DNAJC11: variants seen among roughly 807,000 people sequenced by gnomAD.
DNAJC11 encodes dnaJ homolog subfamily C member 11.
Under a neutral mutation model 78.6 loss-of-function variants are expected in DNAJC11, and 15 were observed. The ratio of observed to expected loss-of-function variants is 0.19; its 90% confidence interval spans 0.13 to 0.29. The LOEUF (loss-of-function observed/expected upper bound fraction) is 0.29. DNAJC11 is among the 10% of genes least tolerant of loss of function. The pLI is 1.00. For missense variants in DNAJC11, 547 were observed against 709.6 expected, an observed-to-expected ratio of 0.77 and a Z score of 2.60; for synonymous variants, 292 against 272.1, an observed-to-expected ratio of 1.07 and a Z score of -0.72.
At chr1:6,675,895 T>A (rs1452905211) in intron 3 of DNAJC11, among the ~76,000 whole-genome samples, 1 of 152,138 alleles carries the variant, frequency 6.6e-6, no homozygotes, top group African/African-American at 2.4e-5. Flanking sequence ...AGAGGGAATA[T>A]GTAATGGGGT....
intron 1 of DNAJC11, among the ~76,000 whole-genome samples, chr1:6,696,671 T>TA (rs1370992705): frequency 2.0e-5 from 3 of 152,238 alleles, no homozygotes; most frequent in Admixed American, 6.5e-5. Context: ...TGGTAGGTGA[T>TA]ACTTTTGTAC....
chr1:6,656,731 CAAA>C (rs33945459), intron 4 of DNAJC11, among the ~76,000 whole-genome samples: 20 of 123,252 alleles, frequency 1.6e-4, no homozygotes, highest in South Asian at 2.7e-4. Flanking sequence ...AAACTAAAAC[CAAA>C]AAAAAAAAAA....
chr1:6,644,287 C>T (rs1312343271), intron 10 of DNAJC11, among the ~76,000 whole-genome samples: 1 of 152,156 alleles, frequency 6.6e-6, no homozygotes, highest in Non-Finnish European at 1.5e-5. Flanking sequence ...GCGTGTGCCA[C>T]CACGTCTGGC....
chr1:6,637,211 G>C lies in DNAJC11; in HGVS notation c.1511C>G (p.Thr504Arg), dbSNP rs774995067. 1 of 1,614,164 alleles carries C rather than the reference G, an allele frequency of 6.2e-7. No individual in the cohort carries two copies. The highest frequency in any genetic ancestry group is 1.7e-5 in the Admixed American group (1 of 60,026). The change falls in exon 14 of 16, where the codon ACG becomes AGG. Residue 504 changes from threonine to arginine, a missense_variant. Thr to Arg is a moderately conservative substitution (Grantham distance 71, BLOSUM62 -1). Transcript: ENST00000377577. ...GTGCTGCTGTACCTTGGAGGCCTCC[G>C]TGAGGATGAGCTTCGAGTCCTTCAC... ...CLVKDSKLILTEASKAGLPGF... is the reference protein window; with the variant it reads ...CLVKDSKLILREASKAGLPGF...
intron 1 of DNAJC11, among the ~76,000 whole-genome samples, chr1:6,683,705 C>T (rs188433000): frequency 1.4e-4 from 22 of 152,306 alleles, no homozygotes; most frequent in African/African-American, 4.8e-4. Context: ...CAGAGGGCAC[C>T]GCCCTGGTGC....
chr1:6,679,950 G>A (rs1359246892), intron 2 of DNAJC11, among the ~76,000 whole-genome samples: 1 of 152,130 alleles, frequency 6.6e-6, no homozygotes, highest in African/African-American at 2.4e-5. Flanking sequence ...ACACTACACC[G>A]ACTGTACACA....
Position 6,645,177 on chromosome 1 carries a change from G to A in DNAJC11, c.895-51C>T, listed in dbSNP as rs1184186233. Reference sequence around the variant, plus strand: ...GCGTGGCTAGGGCGTGTGACTCTGTGGGGAGATGGGTATCTGCCCTCCCAC... The same window carrying A: ...GCGTGGCTAGGGCGTGTGACTCTGTAGGGAGATGGGTATCTGCCCTCCCAC... On this transcript the variant is annotated intron_variant, in intron 8 of 15. Transcript: ENST00000377577. The surrounding 1 kb of genome is among the most constrained non-coding windows in gnomAD (Gnocchi z 4.1). 10 of 1,431,552 alleles carry A rather than the reference G, an allele frequency of 7.0e-6. No individual in the cohort carries two copies. The highest frequency in any genetic ancestry group is 8.8e-6 in the Non-Finnish European group (9 of 1,017,236). 88.7% of individuals were successfully genotyped at this position (1,431,552 alleles called of 1,614,324 possible).
intron 6 of DNAJC11, among the ~76,000 whole-genome samples, chr1:6,652,430 AT>A (rs1158375517): frequency 2.6e-5 from 4 of 152,004 alleles, no homozygotes; most frequent in Non-Finnish European, 5.9e-5. Flanking sequence ...TATGAGACCT[AT>A]TTATTTATTT....
At chr1:6,686,580 T>C (rs1342207680) in intron 1 of DNAJC11, among the ~76,000 whole-genome samples, 1 of 152,184 alleles carries the variant, frequency 6.6e-6, no homozygotes, top group Non-Finnish European at 1.5e-5. Flanking sequence ...TGCTTGGACC[T>C]AGAAGTGACA....
chr1:6,643,618 C>G (rs1171634196), intron 10 of DNAJC11, among the ~76,000 whole-genome samples: 1 of 152,076 alleles, frequency 6.6e-6, no homozygotes, highest in Non-Finnish European at 1.5e-5. Context: ...AGGACAGTGA[C>G]TAGACTCAGG....
chr1:6,651,853 A>G (rs1642058616), intron 6 of DNAJC11, among the ~76,000 whole-genome samples: 1 of 152,234 alleles, frequency 6.6e-6, no homozygotes, highest in Admixed American at 6.5e-5. Context: ...CTCCAAAGAA[A>G]AAACTGCTCC....
In DNAJC11 at chr1:6,645,768, G is replaced by A. The variant is rs201372878; in HGVS notation, c.894+21C>T. ...TCCTCCCAGAGCTCTGTCTGCAGGA[G>A]ATGATGGCTGCTCGGCTCACCTGCA... On this transcript the variant is annotated intron_variant, in intron 8 of 15. Coordinates refer to ENST00000377577, the MANE Select transcript of DNAJC11 (RefSeq NM_018198.4). This position sits in a 1 kb window ranked among gnomAD's most constrained non-coding sequence, Gnocchi z 4.1. 27 of 1,612,018 alleles carry A rather than the reference G, an allele frequency of 1.7e-5. No homozygotes were observed. Among genetic ancestry groups the A allele is most frequent in the African/African-American group, 2.7e-5 (2 of 75,010 alleles).
At chr1:6,644,891 T>A (rs1302546752) in intron 9 of DNAJC11, 150 bp downstream of exon 9, 1 of 848,834 alleles carries the variant, frequency 1.2e-6, no homozygotes, top group Non-Finnish European at 2.0e-6. Context: ...TAGTGTTAAA[T>A]CCCCCACAGC....
At chr1:6,661,073 A>G (rs1314775191) in intron 4 of DNAJC11, among the ~76,000 whole-genome samples, 1 of 152,220 alleles carries the variant, frequency 6.6e-6, no homozygotes, top group Non-Finnish European at 1.5e-5. Context: ...CAGTGTGCTG[A>G]TTTGATCCAC....
At position 6,634,303 on chromosome 1, in the gene DNAJC11, G is replaced by A. The variant is rs910517195; in HGVS notation, c.*1372C>T. 7.5e-6 allele frequency: 7 copies of A among 936,338 alleles called. No homozygotes were observed. The highest frequency in any genetic ancestry group is 6.6e-5 in the African/African-American group (4 of 60,328). 58.0% of individuals were successfully genotyped at this position (936,338 alleles called of 1,614,324 possible). On this transcript the variant is annotated 3_prime_UTR_variant, in exon 16 of 16. Transcript: ENST00000377577. ...CCCGGGGCCCAGGCTCATGCAACAC[G>A]ACGCTCACCGCGGCTCGGGCCGTGG...
chr1:6,658,590 A>G (rs538134957), intron 4 of DNAJC11, among the ~76,000 whole-genome samples: 5 of 152,148 alleles, frequency 3.3e-5, no homozygotes, highest in East Asian at 1.9e-4. Flanking sequence ...GCTTTTCTTT[A>G]TAAGTCTAGT....
At chr1:6,639,008 G>A (rs1641831309) in intron 11 of DNAJC11, among the ~76,000 whole-genome samples, 1 of 152,210 alleles carries the variant, frequency 6.6e-6, no homozygotes, top group Non-Finnish European at 1.5e-5. Flanking sequence ...GGCCAGACGG[G>A]CCCAGAAGAG....
At chr1:6,693,961 G>C (rs1209705820) in intron 1 of DNAJC11, among the ~76,000 whole-genome samples, 1 of 150,144 alleles carries the variant, frequency 6.7e-6, no homozygotes, top group Non-Finnish European at 1.5e-5. Flanking sequence ...TCAGCCTTAT[G>C]AGTAGCTGGG....
chr1:6,642,162 A>G (rs1415309586), intron 10 of DNAJC11, among the ~76,000 whole-genome samples: 1 of 152,170 alleles, frequency 6.6e-6, no homozygotes, highest in Non-Finnish European at 1.5e-5. Flanking sequence ...GTTGGGGTAG[A>G]GAGGAGTACT....
Sources: allele counts gnomAD v4.1 joint callset (sites outside exome capture counted in the v4.1 genomes callset), GRCh38; gene constraint gnomAD v4.1.1; non-coding constraint Gnocchi (gnomAD v3.1); transcripts MANE v1.5; gene names NCBI Gene and HGNC (gene_info 2026-07-23, HGNC 2026-07-21).